Variants in LYPLAL1 observed in about 807,000 individuals in gnomAD.
The protein encoded by LYPLAL1 is lysophospholipase-like protein 1.
Under a neutral mutation model 19.7 loss-of-function variants are expected in LYPLAL1, and 23 were observed. The observed-to-expected ratio is 1.17, with a 90% CI of 0.84 to 1.65. The LOEUF (loss-of-function observed/expected upper bound fraction) is 1.65, where lower values mean the gene tolerates loss of function less well. Ranked by LOEUF, LYPLAL1 falls within the 40% of genes most tolerant of loss-of-function variation. LYPLAL1 has a pLI of 0.00. For synonymous variants in LYPLAL1, 119 were observed against 96.3 expected (o/e 1.24, Z -1.38); for missense variants, 355 against 279.4 (o/e 1.27, Z -1.93).
chr1:219,432,883 C>T, the LYPLAL1 span, among the ~76,000 whole-genome samples: 5 of 152,128 alleles, frequency 3.3e-5, no homozygotes, highest in South Asian at 2.1e-4. Context: ...CTACTTGCTC[C>T]GGTAAGAGAG....
the LYPLAL1 span, among the ~76,000 whole-genome samples, chr1:219,320,316 G>A: frequency 5.9e-5 from 9 of 151,924 alleles, no homozygotes; most frequent in African/African-American, 2.2e-4. Context: ...GCACAAAAAG[G>A]CGCCCTCAGA....
chr1:219,394,425 C>T, the LYPLAL1 span, among the ~76,000 whole-genome samples: 4 of 152,148 alleles, frequency 2.6e-5, no homozygotes, highest in Non-Finnish European at 4.4e-5. Context: ...CACCATCATC[C>T]ACTCACAAAA....
downstream of LYPLAL1, among the ~76,000 whole-genome samples, chr1:219,214,640 G>A (rs1371065918): frequency 6.7e-6 from 1 of 149,088 alleles, no homozygotes; most frequent in Non-Finnish European, 1.5e-5. Context: ...TAAGTTGCAT[G>A]TACCATCAAC....
chr1:219,357,211 G>A, the LYPLAL1 span, among the ~76,000 whole-genome samples: 3 of 152,128 alleles, frequency 2.0e-5, no homozygotes, highest in African/African-American at 7.2e-5. Context: ...TTATTCCCAA[G>A]TAAAGCTGGT....
intron 3 of LYPLAL1, among the ~76,000 whole-genome samples, chr1:219,208,627 G>C (rs1281909285): frequency 1.3e-5 from 2 of 151,918 alleles, no homozygotes; most frequent in Admixed American, 1.3e-4. Context: ...ACTTTGTTCA[G>C]CTAATCATAA....
At chr1:219,209,976 A>G (rs1374488875) in intron 3 of LYPLAL1, among the ~76,000 whole-genome samples, 1 of 152,084 alleles carries the variant, frequency 6.6e-6, no homozygotes, top group Non-Finnish European at 1.5e-5. Context: ...TTTCATTTTT[A>G]TTATATCACC....
the LYPLAL1 span, among the ~76,000 whole-genome samples, chr1:219,381,843 G>A: frequency 1.3e-5 from 2 of 152,176 alleles, no homozygotes; most frequent in African/African-American, 4.8e-5. Flanking sequence ...CACATGAAGA[G>A]GCCACAGTTC....
At chr1:219,283,924 G>A in the LYPLAL1 span, among the ~76,000 whole-genome samples, 1 of 152,154 alleles carries the variant, frequency 6.6e-6, no homozygotes, top group Non-Finnish European at 1.5e-5. Flanking sequence ...GAATGAAATT[G>A]TTCTTATGGT....
chr1:219,291,198 AG>A, the LYPLAL1 span, among the ~76,000 whole-genome samples: 34 of 152,252 alleles, frequency 2.2e-4, no homozygotes, highest in African/African-American at 7.2e-4. Flanking sequence ...CAAACAACAA[AG>A]GAAAATACTC....
At chr1:219,345,116 T>A in the LYPLAL1 span, among the ~76,000 whole-genome samples, 1 of 152,226 alleles carries the variant, frequency 6.6e-6, no homozygotes, top group Non-Finnish European at 1.5e-5. Context: ...GAATATTTCT[T>A]TCTGTATTTA....
At chr1:219,374,613 G>A in the LYPLAL1 span, among the ~76,000 whole-genome samples, 2 of 152,072 alleles carry the variant, frequency 1.3e-5, no homozygotes, top group Admixed American at 6.6e-5. Context: ...CTATAGACAG[G>A]ATTTCTAACA....
At chr1:219,229,323 G>C in the LYPLAL1 span, among the ~76,000 whole-genome samples, 1 of 145,748 alleles carries the variant, frequency 6.9e-6, no homozygotes, top group African/African-American at 2.7e-5. Context: ...GAGAGAGAGA[G>C]AGAGAGAGAG....
At chr1:219,375,490 TAAAA>T in the LYPLAL1 span, among the ~76,000 whole-genome samples, 23 of 37,488 alleles carry the variant, frequency 6.1e-4, no homozygotes, top group East Asian at 0.013. Flanking sequence ...AAACTCCTTC[TAAAA>T]AAAAAAAAAA....
At chr1:219,267,931 A>G in the LYPLAL1 span, among the ~76,000 whole-genome samples, 5 of 152,344 alleles carry the variant, frequency 3.3e-5, no homozygotes, top group East Asian at 9.6e-4. Context: ...CAGGGGTTCC[A>G]TGTGATTTTG....
the LYPLAL1 span, among the ~76,000 whole-genome samples, chr1:219,396,307 A>G: frequency 1.3e-5 from 2 of 152,006 alleles, no homozygotes; most frequent in African/African-American, 4.8e-5. Context: ...CTCTTTTTGT[A>G]CCAGTATCAT....
At chr1:219,280,305 T>C in the LYPLAL1 span, among the ~76,000 whole-genome samples, 1 of 152,198 alleles carries the variant, frequency 6.6e-6, no homozygotes, top group Admixed American at 6.5e-5. Context: ...AAAGAAGGTA[T>C]TTTTAAAACT....
chr1:219,359,272 A>ATAGTGCAGTGCAGCT, the LYPLAL1 span, among the ~76,000 whole-genome samples: 2 of 152,284 alleles, frequency 1.3e-5, no homozygotes, highest in Non-Finnish European at 2.9e-5. Context: ...AGTGCAGCAA[A>ATAGTGCAGTGCAGCT]TACCTCCAGG....
the LYPLAL1 span, among the ~76,000 whole-genome samples, chr1:219,416,408 C>A: frequency 6.6e-6 from 1 of 152,138 alleles, no homozygotes; most frequent in Non-Finnish European, 1.5e-5. Flanking sequence ...ACAGGCAGAT[C>A]TCAGCCCAGG....
the LYPLAL1 span, among the ~76,000 whole-genome samples, chr1:219,301,445 G>A: frequency 0.022 from 3,342 of 152,144 alleles, 53 homozygotes; most frequent in Non-Finnish European, 0.035. Context: ...TAGAATAAAA[G>A]GAATTTGTGA....
Sources: allele counts gnomAD v4.1 joint callset (sites outside exome capture counted in the v4.1 genomes callset), GRCh38; gene constraint gnomAD v4.1.1; transcripts MANE v1.5; gene names NCBI Gene and HGNC (gene_info 2026-07-23, HGNC 2026-07-21).